Variants in PLD4 observed in about 807,000 individuals in gnomAD.
The protein encoded by PLD4 is phospholipase D family member 4.
PLD4 carries 54 observed loss-of-function variants against 52.3 expected under a neutral mutation model. That is an observed-to-expected ratio of 1.03 (90% CI 0.83 to 1.30). PLD4 has a LOEUF of 1.30. Among genes scored for constraint, PLD4 ranks in the 50% most tolerant of loss-of-function variants. PLD4 has a pLI of 0.00. For synonymous variants in PLD4, 264 were observed against 286.5 expected (o/e 0.92, Z 0.79); for missense variants, 731 against 671.1 (o/e 1.09, Z -0.99).
chr14:104,930,647 C>A lies in PLD4; in HGVS notation c.718-95C>A, dbSNP rs958061864. 5.2e-6 allele frequency: 7 copies of A among 1,357,518 alleles called. No homozygotes were observed. The Admixed American group carries it at 5.2e-5, about 10-fold the overall frequency. 84.1% of individuals were successfully genotyped at this position (1,357,518 alleles called of 1,614,324 possible). A position where few individuals can be genotyped will look rare whatever the true frequency, so the allele number is the denominator to read the frequency against. On this transcript the variant is annotated intron_variant, in intron 6 of 10. Transcript: ENST00000392593. ...CAAGTGGGGACCAGTCGGGCAGGGA[C>A]TGCACCTGCCCCAACATCCCTGGCC...
chr14:104,927,298 G>A (rs1897489235), intron 2 of PLD4, 68 bp downstream of exon 2: 1 of 1,340,910 alleles, frequency 7.5e-7, no homozygotes, highest in Non-Finnish European at 1.0e-6. Context: ...CCGAGCCAGA[G>A]TGGAGAGGTC....
At position 104,928,928 on chromosome 14, in the gene PLD4, AG is replaced by A; in HGVS notation, c.465del (p.Gln155HisfsTer83). 2 of 1,596,952 alleles carry A rather than the reference AG, an allele frequency of 1.3e-6. No homozygotes were observed. Among genetic ancestry groups the A allele is most frequent in the Non-Finnish European group, 1.7e-6 (2 of 1,167,392 alleles). ...ATCGGGGTCAACGACTCGTCTTCCC[AG>A]CTGGTGCGCCCCGCCCTGGCCCCAC... ...PDIGVNDSSS[Q>X]LGEALLQKLQ... On this transcript the variant is annotated frameshift_variant, in exon 4 of 11. Transcript: ENST00000392593. LOFTEE classifies it high-confidence loss of function.
At chr14:104,927,987 G>A in intron 3 of PLD4, 121 bp downstream of exon 3, 1 of 1,184,494 alleles carries the variant, frequency 8.4e-7, no homozygotes, top group Non-Finnish European at 1.1e-6. Context: ...CCAGGAAGGT[G>A]CAGGTCACCA....
At position 104,931,846 on chromosome 14, in the gene PLD4, G is replaced by C; in HGVS notation, c.1017G>C (p.Val339=). The C allele has an allele frequency of 6.4e-7, 1 of 1,560,898 alleles. No homozygotes were observed. Among genetic ancestry groups the C allele is most frequent in the Non-Finnish European group, 8.7e-7 (1 of 1,151,434 alleles). The change falls in exon 8 of 11, where the codon GTG becomes GTC. Residue 339 remains valine, a synonymous_variant. Transcript: ENST00000392593. ...GSAQEFIYAS[V]MEYFPTTRFS... ...CCCAGGAGTTCATCTATGCCTCCGT[G>C]ATGGAGTATTTCCCCACCACGCGCT... is the stretch of plus-strand genomic sequence containing the variant.
chr14:104,932,658 G>T lies in PLD4; in HGVS notation c.1322-107G>T. 5.9e-6 allele frequency: 7 copies of T among 1,186,224 alleles called. No individual in the cohort carries two copies. In the South Asian group the frequency reaches 8.0e-5, roughly 14 times the overall value. 73.5% of individuals were successfully genotyped at this position (1,186,224 alleles called of 1,614,324 possible). A position where few individuals can be genotyped will look rare whatever the true frequency, so the allele number is the denominator to read the frequency against. ...GCTGGAGTCTGATGACAGTGGAGGGGCCAGCTGCCAACCGTCCCCAAACCC... is the reference window on the plus strand; with the variant it reads ...GCTGGAGTCTGATGACAGTGGAGGGTCCAGCTGCCAACCGTCCCCAAACCC... On this transcript the variant is annotated intron_variant, in intron 10 of 10. Transcript: ENST00000392593. This position sits in a 1 kb window ranked among gnomAD's most constrained non-coding sequence, Gnocchi z 6.5.
At chr14:104,929,579 G>C in intron 5 of PLD4, 152 bp downstream of exon 5, 1 of 1,239,376 alleles carries the variant, frequency 8.1e-7, no homozygotes, top group Non-Finnish European at 1.1e-6. Flanking sequence ...AGGGCTCTGA[G>C]GTCCTTTGAG....
intron 6 of PLD4, 107 bp from the exon 7 acceptor site, chr14:104,930,635 G>C: frequency 2.5e-6 from 3 of 1,201,318 alleles, no homozygotes; most frequent in South Asian, 2.7e-5. Flanking sequence ...GTGGGGACCA[G>C]TCGGGCAGGG....
chr14:104,925,372 C>T (rs758856561), intron 1 of PLD4, among the ~76,000 whole-genome samples: 13 of 152,194 alleles, frequency 8.5e-5, no homozygotes, highest in African/African-American at 1.4e-4. Context: ...ACCTGGCTGG[C>T]GGTCCTCCCA....
intron 7 of PLD4, among the ~76,000 whole-genome samples, chr14:104,931,457 G>A (rs1897641371): frequency 6.6e-6 from 1 of 152,090 alleles, no homozygotes; most frequent in African/African-American, 2.4e-5. Flanking sequence ...GGGGGTGGGG[G>A]TGGCACCCTG....
chr14:104,929,136 A>C, intron 4 of PLD4, 171 bp from the exon 5 acceptor site: 1 of 1,236,320 alleles, frequency 8.1e-7, no homozygotes, highest in Non-Finnish European at 1.1e-6. Flanking sequence ...CTAAACACTC[A>C]GACTGTGCCT....
chr14:104,930,720 C>A, intron 6 of PLD4, 22 bp from the exon 7 acceptor site: 4 of 1,612,514 alleles, frequency 2.5e-6, no homozygotes, highest in Non-Finnish European at 3.4e-6. Context: ...TCTCCCACAG[C>A]GCCTGACTTT....
At position 104,928,734 on chromosome 14, in the gene PLD4, T is replaced by C; in HGVS notation, c.285-15T>C. ...TCCCGCACCCATACTGAGCCCAGTG[T>C]GGCTCTCCCCACAGGCTTGTCCTTG... is the stretch of plus-strand genomic sequence containing the variant. On this transcript the variant is annotated splice_polypyrimidine_tract_variant and intron_variant, in intron 3 of 10. Coordinates refer to ENST00000392593, the MANE Select transcript of PLD4 (RefSeq NM_138790.5). The C allele has an allele frequency of 6.4e-7, 1 of 1,557,556 alleles. No individual in the cohort carries two copies. The highest frequency in any genetic ancestry group is 8.7e-7 in the Non-Finnish European group (1 of 1,146,180).
intron 3 of PLD4, among the ~76,000 whole-genome samples, chr14:104,928,136 C>T (rs1897520103): frequency 6.6e-6 from 1 of 152,074 alleles, no homozygotes; most frequent in Non-Finnish European, 1.5e-5. Context: ...CTCACCCCCT[C>T]AGTCCTTCCA....
chr14:104,928,803 C>G lies in PLD4; in HGVS notation c.339C>G (p.Pro113=), dbSNP rs751057136. ...ACCTGCCATCTGCAGCCGGCAGCCC[C>G]TCTGCCCAGCCTCTGGGCCAGGCCT... ...PQDLPSAAGS[P]SAQPLGQAWL... Residue 113 remains proline, a synonymous_variant, in exon 4 of 11, where the codon CCC becomes CCG. Transcript: ENST00000392593. The G allele has an allele frequency of 3.7e-5, 59 of 1,610,620 alleles. No individual in the cohort carries two copies. The highest frequency in any genetic ancestry group is 4.8e-5 in the Non-Finnish European group (57 of 1,178,286).
At chr14:104,930,202 A>C in intron 6 of PLD4, 97 bp downstream of exon 6, 1 of 1,496,278 alleles carries the variant, frequency 6.7e-7, no homozygotes, top group Non-Finnish European at 9.1e-7. Flanking sequence ...ATCTGGAGAA[A>C]GTCGTGTAGT....
chr14:104,935,520 A>T (rs1298763514), downstream of PLD4: 1 of 152,054 alleles, frequency 6.6e-6, no homozygotes, highest in African/African-American at 2.4e-5. Context: ...GGCTCCCTTG[A>T]CCCCCACCTG....
In PLD4 at chr14:104,927,162, G is replaced by A. The variant is rs1247115150; in HGVS notation, c.22G>A (p.Ala8Thr). 6.4e-7 allele frequency: 1 copy of A among 1,560,332 alleles called. No homozygotes were observed. Residue 8 changes from alanine to threonine, a missense_variant, in exon 2 of 11, where the codon GCA (alanine) becomes ACA (threonine). By Grantham distance (58) the Ala-to-Thr change is moderately conservative (BLOSUM62 0). Coordinates refer to ENST00000392593, the MANE Select transcript of PLD4 (RefSeq NM_138790.5). Reference protein sequence around the residue: MLKPLWKAAVAPTWPCSM... With the variant: MLKPLWKTAVAPTWPCSM... ...GCAGATGCTGAAGCCTCTTTGGAAAGCAGCAGTGGCCCCCACATGGCCATG... is the reference window on the plus strand; with the variant it reads ...GCAGATGCTGAAGCCTCTTTGGAAAACAGCAGTGGCCCCCACATGGCCATG...
downstream of PLD4, chr14:104,934,351 C>T (rs1897765009): frequency 6.6e-6 from 1 of 152,166 alleles, no homozygotes; most frequent in Admixed American, 6.5e-5. Flanking sequence ...CTGGAACTCA[C>T]CCTATCCTGG....
At position 104,932,939 on chromosome 14, in the gene PLD4, G is replaced by T; in HGVS notation, c.1496G>T (p.Gly499Val). Residue 499 changes from glycine (G) to valine (V), a missense_variant, in exon 11 of 11, where the codon GGC becomes GTC. Physicochemically the swap from Gly to Val is moderately radical, Grantham distance 109. Coordinates refer to ENST00000392593, the MANE Select transcript of PLD4 (RefSeq NM_138790.5). The surrounding 1 kb of genome is among the most constrained non-coding windows in gnomAD (Gnocchi z 6.5). ...GTCGGCCTGGACGGACAGGCTCCGG[G>T]CCAGGACTGCGTTTGGCAGGGCTGA... ...YAVGLDGQAP[G>V]QDCVWQG The T allele has an allele frequency of 6.3e-7, 1 of 1,596,392 alleles. No homozygotes were observed. Among genetic ancestry groups the T allele is most frequent in the Non-Finnish European group, 8.5e-7 (1 of 1,173,122 alleles).
Sources: allele counts gnomAD v4.1 joint callset (sites outside exome capture counted in the v4.1 genomes callset), GRCh38; gene constraint gnomAD v4.1.1; non-coding constraint Gnocchi (gnomAD v3.1); transcripts MANE v1.5; gene names NCBI Gene and HGNC (gene_info 2026-07-23, HGNC 2026-07-21).